KDM3A: variants seen among roughly 807,000 people sequenced by gnomAD.
KDM3A encodes lysine-specific demethylase 3A.
In KDM3A, 60 loss-of-function variants were observed where a neutral mutation model predicts 158.0. The observed-to-expected ratio is 0.38, with a 90% CI of 0.31 to 0.47. The LOEUF is 0.47. KDM3A is among the 20% of genes least tolerant of loss of function. The pLI, the probability that KDM3A is intolerant of heterozygous loss-of-function variation, is 0.99. For synonymous variants in KDM3A, 608 were observed against 549.3 expected (o/e 1.11, Z -1.49); for missense variants, 1,319 against 1,574.3 (o/e 0.84, Z 2.74).
intron 2 of KDM3A, among the ~76,000 whole-genome samples, chr2:86,448,117 G>C (rs984638329): frequency 1.3e-5 from 2 of 152,230 alleles, no homozygotes; most frequent in Non-Finnish European, 2.9e-5. Context: ...CATTTATTCT[G>C]ATTTGGAAAG....
chr2:86,490,645 T>TAA (rs1308800019), intron 23 of KDM3A: 1 of 423,814 alleles, frequency 2.4e-6, no homozygotes, highest in Non-Finnish European at 4.2e-6. Flanking sequence ...TTTACAAACT[T>TAA]ATGCAGAGCC....
At position 86,478,015 on chromosome 2, in the gene KDM3A, A is replaced by G. The variant is rs2104691110; in HGVS notation, c.2078A>G (p.Lys693Arg). ...VCVDCYRMKR[K>R]NCQQGAAYKT... The stretch of plus-strand genomic sequence containing the variant: ...GTGGACTGCTACCGGATGAAGAGAA[A>G]GAATTGCCAACAGGGTGAGAACCGA... The change falls in exon 13 of 26, where the codon AAG becomes AGG. Residue 693 changes from lysine (K) to arginine (R), a missense_variant. Coordinates refer to ENST00000312912, the MANE Select transcript of KDM3A (RefSeq NM_018433.6). 1 of 1,614,196 alleles carries G rather than the reference A, an allele frequency of 6.2e-7. No homozygotes were observed. Among genetic ancestry groups the G allele is most frequent in the East Asian group, 2.2e-5 (1 of 44,866 alleles).
intron 21 of KDM3A, 140 bp downstream of exon 21, chr2:86,485,999 T>G: frequency 1.1e-6 from 1 of 871,380 alleles, no homozygotes; most frequent in East Asian, 2.7e-5. Context: ...TTTACATATT[T>G]CCTTTCGTTC....
intron 15 of KDM3A, chr2:86,479,917 G>A: frequency 2.0e-6 from 1 of 504,884 alleles, no homozygotes; most frequent in Non-Finnish European, 3.6e-6. Flanking sequence ...ATATGTACCA[G>A]CAGGGGCTGG....
At chr2:86,483,716 TG>T in intron 18 of KDM3A, 1 of 236,266 alleles carries the variant, frequency 4.2e-6, no homozygotes, top group South Asian at 9.9e-5. Context: ...TCCGTCTTGC[TG>T]TAAGTAATGA....
chr2:86,440,900 A>T (rs1682664194), upstream of KDM3A: 2 of 152,418 alleles, frequency 1.3e-5, no homozygotes, highest in Middle Eastern at 3.4e-3. Flanking sequence ...TTCCTGTGAG[A>T]TTCTTCCGCC....
chr2:86,476,609 G>T (rs2104688281), intron 12 of KDM3A, among the ~76,000 whole-genome samples: 1 of 152,194 alleles, frequency 6.6e-6, no homozygotes, highest in Middle Eastern at 3.4e-3. Flanking sequence ...CTTTTATTCT[G>T]TCCTTTCAGT....
At position 86,480,300 on chromosome 2, in the gene KDM3A, G is replaced by C. The variant is rs769443059; in HGVS notation, c.2450G>C (p.Ser817Thr). The change falls in exon 16 of 26, where the codon AGC (serine) becomes ACC (threonine). Residue 817 changes from serine (S) to threonine (T), a missense_variant. Ser to Thr is a moderately conservative substitution (Grantham distance 58). Around this residue, in one of 4 missense-constraint regions of KDM3A, gnomAD observed 368 missense variants for 415.8 expected, o/e 0.89. Coordinates refer to ENST00000312912, the MANE Select transcript of KDM3A (RefSeq NM_018433.6). ...AGCATGAAGCCTGCCTGTCCAGCCA[G>C]CACATCTCCTCTAAACTGGCTGGCC... ...AGSMKPACPA[S>T]TSPLNWLADL... The C allele has an allele frequency of 6.2e-7, 1 of 1,614,120 alleles. No homozygotes were observed. The highest frequency in any genetic ancestry group is 8.5e-7 in the Non-Finnish European group (1 of 1,180,024).
chr2:86,454,949 A>T, intron 4 of KDM3A, 136 bp from the exon 5 acceptor site: 1 of 542,374 alleles, frequency 1.8e-6, no homozygotes, highest in Non-Finnish European at 3.3e-6. Context: ...TGGAATTGGA[A>T]TGATTTGGGC....
intron 2 of KDM3A, among the ~76,000 whole-genome samples, chr2:86,449,316 G>A (rs1050549508): frequency 6.6e-6 from 1 of 152,180 alleles, no homozygotes; most frequent in East Asian, 1.9e-4. Flanking sequence ...TGTATATTAG[G>A]CCTTGTGCTA....
At chr2:86,489,693 T>A in intron 23 of KDM3A, 34 bp downstream of exon 23, 1 of 1,584,526 alleles carries the variant, frequency 6.3e-7, no homozygotes, top group Non-Finnish European at 8.6e-7. Context: ...AACAGAGGCA[T>A]AAGGAATAGC....
intron 11 of KDM3A, among the ~76,000 whole-genome samples, chr2:86,472,180 C>T (rs1305171654): frequency 2.0e-5 from 3 of 150,050 alleles, no homozygotes. Flanking sequence ...TTTTAACCCA[C>T]TACATTTTTG....
rs1361269962 is a variant in KDM3A, at chr2:86,441,693, C to T, written c.-31+249C>T. Among the ~76,000 whole-genome samples, 12 of 151,128 alleles carry T rather than the reference C, an allele frequency of 7.9e-5. No individual in the cohort carries two copies. The East Asian group carries it at 1.5e-3, about 20-fold the overall frequency. ...CGGGACCGGCTCTCTGCACCAGGGG[C>T]CTTTTCTTTTCGGGGCTGGGGGCTG... On this transcript the variant is annotated intron_variant, in intron 1 of 25. Coordinates refer to ENST00000312912, the MANE Select transcript of KDM3A (RefSeq NM_018433.6).
chr2:86,479,892 CAT>C (rs1673839152), intron 15 of KDM3A: 1 of 409,854 alleles, frequency 2.4e-6, no homozygotes, highest in South Asian at 2.9e-5. Context: ...CAGCATGGTA[CAT>C]AGAGTAATAG....
intron 15 of KDM3A, chr2:86,479,279 C>T (rs1051205125): frequency 6.6e-6 from 1 of 152,460 alleles, no homozygotes; most frequent in Non-Finnish European, 1.5e-5. Context: ...GTCCCTTCTC[C>T]CCCTCGTTCC....
chr2:86,438,867 G>A (rs1384868556), upstream of KDM3A, among the ~76,000 whole-genome samples: 2 of 151,858 alleles, frequency 1.3e-5, no homozygotes, highest in Admixed American at 1.3e-4. Context: ...ATGTATTTTG[G>A]TAACTATTTT....
chr2:86,471,393 A>G (rs1673404748), intron 11 of KDM3A, among the ~76,000 whole-genome samples: 2 of 151,806 alleles, frequency 1.3e-5, no homozygotes, highest in South Asian at 2.1e-4. Context: ...GTGTGTATAT[A>G]TATATATTTT....
At chr2:86,474,692 G>A in intron 11 of KDM3A, 84 bp from the exon 12 acceptor site, 1 of 646,146 alleles carries the variant, frequency 1.5e-6, no homozygotes, top group Non-Finnish European at 2.4e-6. Context: ...ATTACAAGTT[G>A]TAAATAAGTT....
intron 4 of KDM3A, among the ~76,000 whole-genome samples, chr2:86,454,279 G>T (rs1346862309): frequency 6.6e-6 from 1 of 152,168 alleles, no homozygotes; most frequent in East Asian, 1.9e-4. Context: ...TAGGGTTTTG[G>T]CCTAGGTAAC....
Sources: allele counts gnomAD v4.1 joint callset (sites outside exome capture counted in the v4.1 genomes callset), GRCh38; gene constraint gnomAD v4.1.1; regional missense constraint gnomAD v4.1.1; transcripts MANE v1.5; gene names NCBI Gene and HGNC (gene_info 2026-07-23, HGNC 2026-07-21).